The following NR1H4 variants were observed in gnomAD, a reference collection of about 807,000 sequenced individuals.
NR1H4 encodes bile acid receptor.
A neutral mutation model predicts 58.5 loss-of-function variants in NR1H4; 23 were observed. That is an observed-to-expected ratio of 0.39 (90% CI 0.28 to 0.56). The LOEUF is 0.56. NR1H4 is among the 20% of genes least tolerant of loss of function. NR1H4 has a pLI of 0.58. For missense variants in NR1H4, 487 were observed against 576.9 expected (o/e 0.84, Z 1.60); for synonymous variants, 214 against 198.0 (o/e 1.08, Z -0.68).
chr12:100,534,815 T>C lies in NR1H4; in HGVS notation c.599-75T>C. 3 of 1,540,682 alleles carry C rather than the reference T, an allele frequency of 1.9e-6. No homozygotes were observed. In the South Asian group the frequency reaches 3.4e-5, roughly 17 times the overall value. On this transcript the variant is annotated intron_variant, in intron 5 of 10. Coordinates refer to ENST00000392986, the MANE Select transcript of NR1H4 (RefSeq NM_001206979.2). ...TAGGGGATCTTCTGGGCCAGGTACATATCAGTGGTTTTATGACCACACACC... is the reference window on the plus strand; with the variant it reads ...TAGGGGATCTTCTGGGCCAGGTACACATCAGTGGTTTTATGACCACACACC...
At chr12:100,536,662 T>G (rs767022759) in intron 7 of NR1H4, 52 bp downstream of exon 7, 6 of 1,012,362 alleles carry the variant, frequency 5.9e-6, no homozygotes, top group South Asian at 3.9e-5. Flanking sequence ...TTTTCTGGAG[T>G]TTTTATTGCC....
chr12:100,536,820 G>A (rs1194821527), intron 7 of NR1H4, 128 bp from the exon 8 acceptor site: 6 of 686,542 alleles, frequency 8.7e-6, no homozygotes, highest in Non-Finnish European at 1.2e-5. Context: ...GCCCTCCAAA[G>A]ATCTGAGAAA....
At chr12:100,498,571 G>T (rs1953764896) in intron 3 of NR1H4, among the ~76,000 whole-genome samples, 1 of 151,600 alleles carries the variant, frequency 6.6e-6, no homozygotes, top group South Asian at 2.1e-4. Flanking sequence ...CCAGGAGGCG[G>T]AGGTTACAAT....
chr12:100,511,311 GA>G (rs1459879271), intron 4 of NR1H4, among the ~76,000 whole-genome samples, 168 bp downstream of exon 4: 1 of 152,178 alleles, frequency 6.6e-6, no homozygotes, highest in African/African-American at 2.4e-5. Context: ...AGATCTGTAG[GA>G]AAAGACTGTT....
intron 4 of NR1H4, among the ~76,000 whole-genome samples, chr12:100,525,697 T>C (rs1423915528): frequency 1.3e-5 from 2 of 152,188 alleles, no homozygotes; most frequent in African/African-American, 2.4e-5. Context: ...CTGGAAAAGA[T>C]TGTACAGAAT....
chr12:100,526,172 A>G (rs1400397840), intron 4 of NR1H4, among the ~76,000 whole-genome samples: 3 of 142,224 alleles, frequency 2.1e-5, no homozygotes, highest in Admixed American at 7.1e-5. Context: ...AATTTCATTG[A>G]TCTCTGCTCT....
In NR1H4 at chr12:100,505,489, A is replaced by G. The variant is rs1953938464; in HGVS notation, c.80-5289A>G. 7 of 653,420 alleles carry G rather than the reference A, an allele frequency of 1.1e-5. No individual in the cohort carries two copies. In the South Asian group the frequency reaches 1.2e-4, roughly 12 times the overall value. The allele number at this position is 653,420 out of a possible 1,614,324, so 40.5% of individuals were successfully genotyped here. A position where few individuals can be genotyped will look rare whatever the true frequency, so the allele number is the denominator to read the frequency against. The stretch of plus-strand genomic sequence containing the variant: ...AGGTACAGAACCCTTCTATCACCTC[A>G]GAAAGCTCCCTCAGATGGCACTCCT... On this transcript the variant is annotated intron_variant, in intron 3 of 10. Coordinates refer to ENST00000392986, the MANE Select transcript of NR1H4 (RefSeq NM_001206979.2).
At chr12:100,498,253 AAACACC>A (rs1230827705) in intron 3 of NR1H4, among the ~76,000 whole-genome samples, 2 of 152,224 alleles carry the variant, frequency 1.3e-5, no homozygotes, top group Non-Finnish European at 2.9e-5. Flanking sequence ...TTGAAATGAT[AAACACC>A]ATTCCACTCA....
chr12:100,513,775 A>T (rs1954185866), intron 4 of NR1H4, among the ~76,000 whole-genome samples: 1 of 150,452 alleles, frequency 6.6e-6, no homozygotes, highest in Non-Finnish European at 1.5e-5. Flanking sequence ...ATCCTGGATG[A>T]CAGAGCGAGA....
chr12:100,525,305 T>A (rs1342422072), intron 4 of NR1H4: 1 of 152,152 alleles, frequency 6.6e-6, no homozygotes, highest in Admixed American at 6.5e-5. Flanking sequence ...TTACCCTGGT[T>A]GATGGTCGTG....
intron 6 of NR1H4, 93 bp downstream of exon 6, chr12:100,535,116 C>G: frequency 7.2e-7 from 1 of 1,385,644 alleles, no homozygotes; most frequent in Non-Finnish European, 1.0e-6. Flanking sequence ...ATTAAAGCCA[C>G]AGGCACAGCT....
intron 6 of NR1H4, among the ~76,000 whole-genome samples, 175 bp downstream of exon 6, chr12:100,535,198 C>G (rs1483821573): frequency 2.0e-5 from 3 of 152,170 alleles, no homozygotes; most frequent in East Asian, 1.9e-4. Flanking sequence ...CAAATAGTAG[C>G]AATGCATAAA....
chr12:100,550,427 C>T (rs1038070163), intron 9 of NR1H4, among the ~76,000 whole-genome samples: 3 of 152,074 alleles, frequency 2.0e-5, no homozygotes, highest in Admixed American at 6.6e-5. Flanking sequence ...TGCAATGGCA[C>T]GATCTGGGCT....
intron 4 of NR1H4, among the ~76,000 whole-genome samples, chr12:100,522,051 A>G (rs904499615): frequency 3.9e-5 from 6 of 151,936 alleles, no homozygotes; most frequent in African/African-American, 1.5e-4. Flanking sequence ...AACCTTTCTG[A>G]TCTTTAGACT....
chr12:100,513,955 A>G (rs1460004102), intron 4 of NR1H4, among the ~76,000 whole-genome samples: 1 of 152,254 alleles, frequency 6.6e-6, no homozygotes, highest in Non-Finnish European at 1.5e-5. Context: ...GGTTTGAGAA[A>G]CCAACTGCTG....
intron 5 of NR1H4, among the ~76,000 whole-genome samples, 197 bp downstream of exon 5, chr12:100,532,807 G>T (rs111859664): frequency 6.2e-4 from 95 of 152,052 alleles, no homozygotes; most frequent in Admixed American, 1.3e-3. Context: ...AAAGAAATGG[G>T]TTTTTTTTGT....
intron 1 of NR1H4, among the ~76,000 whole-genome samples, chr12:100,483,510 A>G (rs1953424936): frequency 6.6e-6 from 1 of 152,182 alleles, no homozygotes; most frequent in African/African-American, 2.4e-5. Flanking sequence ...GCTCGCAGCC[A>G]TCCTTGTTGG....
At chr12:100,521,481 C>G (rs979669638) in intron 4 of NR1H4, among the ~76,000 whole-genome samples, 1 of 152,172 alleles carries the variant, frequency 6.6e-6, no homozygotes, top group African/African-American at 2.4e-5. Context: ...CAGCATCTAA[C>G]TGAAAATTTC....
Position 100,493,356 on chromosome 12 carries a change from C to T in NR1H4, c.33C>T (p.Ser11=), listed in dbSNP as rs773034061. ...CAAAAATGAATCTCATTGAACATTCCCATTTACCTACCACAGATGAATTTT... is the reference window on the plus strand; with the variant it reads ...CAAAAATGAATCTCATTGAACATTCTCATTTACCTACCACAGATGAATTTT... MGSKMNLIEH[S]HLPTTDEFSF... is the part of the protein sequence containing the mutation. Residue 11 remains serine, a synonymous_variant, in exon 3 of 11, where the codon TCC becomes TCT. Coordinates refer to ENST00000392986, the MANE Select transcript of NR1H4 (RefSeq NM_001206979.2). 4 of 1,579,198 alleles carry T rather than the reference C, an allele frequency of 2.5e-6. No homozygotes were observed. The highest frequency in any genetic ancestry group is 1.7e-5 in the Admixed American group (1 of 58,526).
Sources: allele counts gnomAD v4.1 joint callset (sites outside exome capture counted in the v4.1 genomes callset), GRCh38; gene constraint gnomAD v4.1.1; transcripts MANE v1.5; gene names NCBI Gene and HGNC (gene_info 2026-07-23, HGNC 2026-07-21).